Variants in CACNA2D2 observed in about 807,000 individuals in gnomAD.
CACNA2D2 encodes calcium voltage-gated channel auxiliary subunit alpha2delta 2.
Under a neutral mutation model 166.4 loss-of-function variants are expected in CACNA2D2, and 48 were observed. The observed-to-expected ratio is 0.29, with a 90% CI of 0.23 to 0.37. CACNA2D2 has a LOEUF of 0.37. CACNA2D2 is among the 10% of genes least tolerant of loss of function. The probability of loss-of-function intolerance (pLI) is 1.00; values close to 1 mark genes in which losing one functional copy is unlikely to be tolerated. For synonymous variants in CACNA2D2, 561 were observed against 573.7 expected (o/e 0.98, Z 0.32); for missense variants, 1,122 against 1,433.0 (o/e 0.78, Z 3.50).
At chr3:50,431,574 G>A (rs1407100344) in intron 3 of CACNA2D2, among the ~76,000 whole-genome samples, 1 of 152,212 alleles carries the variant, frequency 6.6e-6, no homozygotes. Context: ...CCTCTGTGAA[G>A]CCAAGGTAGC....
chr3:50,392,538 G>A (rs1705936934), intron 4 of CACNA2D2, among the ~76,000 whole-genome samples: 1 of 152,214 alleles, frequency 6.6e-6, no homozygotes, highest in African/African-American at 2.4e-5. Flanking sequence ...CACACCCACA[G>A]CTGGGGGCAC....
In CACNA2D2 at chr3:50,367,441, C is replaced by T. The variant is rs1011668282; in HGVS notation, c.2354G>A (p.Arg785His). The change falls in exon 27 of 38, where the codon CGC becomes CAC. Residue 785 changes from arginine (R) to histidine (H), a missense_variant. Physicochemically the swap from Arg to His is conservative, Grantham distance 29. Coordinates refer to ENST00000424201, the MANE Select transcript of CACNA2D2 (RefSeq NM_006030.4). This position sits in a 1 kb window ranked among gnomAD's most constrained non-coding sequence, Gnocchi z 6.5. ...GACATAACCGTGGTTATCCAGGCTG[C>T]GGCGGTAGAAGCTGGCATTGAAGGG... ...PEPFNASFYR[R>H]SLDNHGYVFK... is the part of the protein sequence containing the mutation. 2.5e-6 allele frequency: 4 copies of T among 1,613,766 alleles called. No individual in the cohort carries two copies. Among genetic ancestry groups the T allele is most frequent in the African/African-American group, 1.3e-5 (1 of 74,922 alleles).
intron 3 of CACNA2D2, among the ~76,000 whole-genome samples, chr3:50,416,677 C>A (rs1707279075): frequency 6.6e-6 from 1 of 152,236 alleles, no homozygotes; most frequent in Non-Finnish European, 1.5e-5. Flanking sequence ...GCCAGAAGAC[C>A]TGGGTCCCGG....
rs563310851 is a variant in CACNA2D2 at position 50,395,547 on chromosome 3, G to A, written c.406-1379C>T. Among the ~76,000 whole-genome samples the A allele has an allele frequency of 2.6e-5, 4 of 152,288 alleles. No individual in the cohort carries two copies. The East Asian group carries it at 7.7e-4, about 29-fold the overall frequency. On this transcript the variant is annotated intron_variant, in intron 3 of 37. Transcript: ENST00000424201. ...CCTACTCAGAAGGTCCCGCCTCTTG[G>A]TATTCAGGACACCTCACCCCCATCC...
At chr3:50,422,432 A>G (rs149652214) in intron 3 of CACNA2D2, among the ~76,000 whole-genome samples, 1 of 152,148 alleles carries the variant, frequency 6.6e-6, no homozygotes, top group African/African-American at 2.4e-5. Flanking sequence ...CTCAGCCTCA[A>G]TGCCCCTTCC....
At chr3:50,458,928 A>G (rs1399027101) in intron 2 of CACNA2D2, among the ~76,000 whole-genome samples, 1 of 152,182 alleles carries the variant, frequency 6.6e-6, no homozygotes, top group Non-Finnish European at 1.5e-5. Flanking sequence ...TTTCTGGCCC[A>G]GCCCACCGAC....
In CACNA2D2 at chr3:50,376,156, G is replaced by A. The variant is rs1181532372; in HGVS notation, c.1659C>T (p.Asp553=). 6.2e-7 allele frequency: 1 copy of A among 1,613,534 alleles called. No individual in the cohort carries two copies. The part of the protein sequence containing the change: ...LGANGYVFAI[D]LNGYVLLHPN... ...GGTGCAGCAACACGTAGCCGTTCAG[G>A]TCAATGGCAAACACATAGCCGTTGG... Residue 553 remains aspartate (D), a synonymous_variant, in exon 18 of 38, where the codon GAC becomes GAT. Coordinates refer to ENST00000424201, the MANE Select transcript of CACNA2D2 (RefSeq NM_006030.4). The surrounding 1 kb of genome is among the most constrained non-coding windows in gnomAD (Gnocchi z 4.3).
At chr3:50,485,961 ACCCAC>A (rs1695749796) in intron 1 of CACNA2D2, among the ~76,000 whole-genome samples, 1 of 150,920 alleles carries the variant, frequency 6.6e-6, no homozygotes. Context: ...GCCTGGAACC[ACCCAC>A]CCCGGCCACT....
At chr3:50,369,997 G>A (rs747450715) in intron 23 of CACNA2D2, among the ~76,000 whole-genome samples, 6 of 152,216 alleles carry the variant, frequency 3.9e-5, no homozygotes, top group Non-Finnish European at 7.3e-5. Context: ...GGCGAGGGGT[G>A]GGCATGCCAC....
intron 1 of CACNA2D2, among the ~76,000 whole-genome samples, chr3:50,501,175 C>G (rs1428654445): frequency 6.6e-6 from 1 of 152,216 alleles, no homozygotes; most frequent in Non-Finnish European, 1.5e-5. Context: ...GCCCGAACAA[C>G]AGCCTAAACC....
At chr3:50,413,113 C>T (rs372956954) in intron 3 of CACNA2D2, among the ~76,000 whole-genome samples, 24 of 152,186 alleles carry the variant, frequency 1.6e-4, no homozygotes, top group East Asian at 9.6e-4. Context: ...TATAAAATCC[C>T]ACCCAGCTGC....
chr3:50,405,369 G>C (rs2282755), intron 3 of CACNA2D2, among the ~76,000 whole-genome samples: 8 of 141,294 alleles, frequency 5.7e-5, no homozygotes, highest in Admixed American at 1.4e-4. Context: ...TGGTGGGGAG[G>C]GGGGTGGGGG....
intron 3 of CACNA2D2, among the ~76,000 whole-genome samples, chr3:50,429,468 T>C (rs2106872128): frequency 6.6e-6 from 1 of 151,774 alleles, no homozygotes; most frequent in African/African-American, 2.4e-5. Context: ...AATCCTGAAC[T>C]CTGGCCGGGC....
chr3:50,387,342 C>T (rs587648249), intron 5 of CACNA2D2, among the ~76,000 whole-genome samples: 1 of 152,198 alleles, frequency 6.6e-6, no homozygotes, highest in Admixed American at 6.5e-5. Context: ...AAGCGCCTCA[C>T]CACCTGCCTC....
rs587672755 is a variant in CACNA2D2, at chr3:50,375,511, G to A, written c.1907+133C>T. 5.8e-6 allele frequency: 5 copies of A among 861,970 alleles called. No homozygotes were observed. In the East Asian group the frequency reaches 7.5e-5, roughly 13 times the overall value. The allele number at this position is 861,970 out of a possible 1,614,324, so 53.4% of individuals were successfully genotyped here. ...CTCTTGGCAGACTAAGCATCTCAGG[G>A]TGAGTAGTGAGCAGCCCTGGCCACT... is the stretch of plus-strand genomic sequence containing the variant. On this transcript the variant is annotated intron_variant, in intron 21 of 37. Transcript: ENST00000424201. The surrounding 1 kb of genome is among the most constrained non-coding windows in gnomAD (Gnocchi z 4.0).
chr3:50,365,040 G>A lies in CACNA2D2; in HGVS notation c.3208+35C>T, dbSNP rs757850992. 6 of 1,599,808 alleles carry A rather than the reference G, an allele frequency of 3.8e-6. No individual in the cohort carries two copies. Among genetic ancestry groups the A allele is most frequent in the African/African-American group, 1.3e-5 (1 of 74,636 alleles). On this transcript the variant is annotated intron_variant, in intron 36 of 37. Coordinates refer to ENST00000424201, the MANE Select transcript of CACNA2D2 (RefSeq NM_006030.4). This position sits in a 1 kb window ranked among gnomAD's most constrained non-coding sequence, Gnocchi z 4.5. ...ACGGAGGGGGCGCGCGGGGCAGAGG[G>A]GGAGCGGGCGGCGGGGAGGGCGGGG...
intron 1 of CACNA2D2, among the ~76,000 whole-genome samples, chr3:50,491,644 G>C (rs190689548): frequency 8.7e-4 from 132 of 152,286 alleles, no homozygotes; most frequent in Non-Finnish European, 1.6e-3. Flanking sequence ...GAGAACAGGC[G>C]ACAGCACCAC....
At chr3:50,374,873 C>T in intron 21 of CACNA2D2, 60 bp from the exon 22 acceptor site, 1 of 1,369,930 alleles carries the variant, frequency 7.3e-7, no homozygotes, top group Non-Finnish European at 1.0e-6. Flanking sequence ...GGCACCCCCT[C>T]CCCATGGCCT....
chr3:50,399,096 G>T (rs1327306169), intron 3 of CACNA2D2, among the ~76,000 whole-genome samples: 1 of 152,202 alleles, frequency 6.6e-6, no homozygotes, highest in African/African-American at 2.4e-5. Context: ...GGAGGGGAGG[G>T]CCTTGGGTGA....
Sources: gnomAD v4.1 joint callset for allele counts (sites outside exome capture counted in the v4.1 genomes callset) on GRCh38, gnomAD v4.1.1 for gene constraint, Gnocchi (gnomAD v3.1) non-coding constraint, MANE v1.5 for transcripts, NCBI Gene and HGNC (gene_info 2026-07-23, HGNC 2026-07-21) for gene names.